Variants in MYO18B observed in about 807,000 individuals in gnomAD.
The protein encoded by MYO18B is myosin XVIIIB, also known as unconventional myosin-XVIIIb.
In MYO18B, 204 loss-of-function variants were observed where a neutral mutation model predicts 273.0. That is an observed-to-expected ratio of 0.75 (90% CI 0.67 to 0.84). The LOEUF is 0.84. MYO18B is among the 40% of genes least tolerant of loss of function. The pLI is 0.00. For missense variants in MYO18B, 3,212 were observed against 3,287.6 expected (o/e 0.98, Z 0.56); for synonymous variants, 1,330 against 1,305.7 (o/e 1.02, Z -0.40).
At chr22:25,919,969 G>GT (rs574533499) in intron 33 of MYO18B, among the ~76,000 whole-genome samples, 24 of 151,918 alleles carry the variant, frequency 1.6e-4, no homozygotes, top group African/African-American at 5.3e-4. Flanking sequence ...AGGATAGGGT[G>GT]TTTTTTTTAA....
chr22:26,055,745 A>AT, the MYO18B span, among the ~76,000 whole-genome samples: 2 of 152,144 alleles, frequency 1.3e-5, no homozygotes, highest in Non-Finnish European at 2.9e-5. Flanking sequence ...AGAGCAAGTG[A>AT]TTTTTTTAAA....
intron 39 of MYO18B, among the ~76,000 whole-genome samples, chr22:25,963,620 G>T (rs1192722146): frequency 6.7e-6 from 1 of 150,186 alleles, no homozygotes; most frequent in Non-Finnish European, 1.5e-5. Flanking sequence ...GAGTTTTTAG[G>T]TGGATATGGA....
the MYO18B span, among the ~76,000 whole-genome samples, chr22:26,041,368 A>AAC: frequency 2.0e-5 from 3 of 150,298 alleles, no homozygotes; most frequent in African/African-American, 7.4e-5. Flanking sequence ...AAAAAAAAAA[A>AAC]AAAACAAAAC....
intron 39 of MYO18B, 93 bp from the exon 40 acceptor site, chr22:25,992,270 G>A (rs1798090803): frequency 6.6e-7 from 1 of 1,518,202 alleles, no homozygotes; most frequent in Non-Finnish European, 9.0e-7. Context: ...GTGAACACTA[G>A]GCTCAGCCTG....
At chr22:25,885,167 C>T (rs760822355) in intron 25 of MYO18B, among the ~76,000 whole-genome samples, 4 of 152,168 alleles carry the variant, frequency 2.6e-5, no homozygotes, top group Non-Finnish European at 5.9e-5. Flanking sequence ...GTCCTCTCAG[C>T]ATTGTGAGCA....
At chr22:25,770,219 C>G in intron 5 of MYO18B, 43 bp downstream of exon 5, 1 of 1,584,428 alleles carries the variant, frequency 6.3e-7, no homozygotes, top group East Asian at 2.2e-5. Context: ...TGAGTCTTCT[C>G]CTGTGCCCCC....
the MYO18B span, among the ~76,000 whole-genome samples, chr22:26,048,820 G>C: frequency 6.6e-6 from 1 of 152,178 alleles, no homozygotes; most frequent in Non-Finnish European, 1.5e-5. Context: ...TGATGAGATT[G>C]CTGGGTTGAA....
chr22:25,882,060 T>G (rs1228880354), intron 25 of MYO18B, among the ~76,000 whole-genome samples: 1 of 152,142 alleles, frequency 6.6e-6, no homozygotes, highest in Non-Finnish European at 1.5e-5. Context: ...TAAGAAGCCC[T>G]CTTCAACACT....
chr22:26,049,960 C>T, the MYO18B span, among the ~76,000 whole-genome samples: 1 of 152,212 alleles, frequency 6.6e-6, no homozygotes, highest in Non-Finnish European at 1.5e-5. Flanking sequence ...TACATTGGAG[C>T]TTCTAAAAAT....
intron 6 of MYO18B, among the ~76,000 whole-genome samples, chr22:25,771,253 CTGGGAGTTCTTCTGATG>C (rs1353997261): frequency 6.6e-6 from 1 of 152,088 alleles, no homozygotes; most frequent in Non-Finnish European, 1.5e-5. Context: ...GGTCTTGGCC[CTGGGAGTTCTTCTGATG>C]GACCCAAGAA....
At chr22:25,839,073 T>C (rs2089999076) in intron 17 of MYO18B, among the ~76,000 whole-genome samples, 1 of 151,996 alleles carries the variant, frequency 6.6e-6, no homozygotes, top group South Asian at 2.1e-4. Flanking sequence ...TATATGTATG[T>C]ATATATGTAT....
chr22:25,843,940 C>G, intron 18 of MYO18B, 46 bp downstream of exon 18: 1 of 1,546,244 alleles, frequency 6.5e-7, no homozygotes, highest in Non-Finnish European at 8.8e-7. Context: ...ATTGGAGGCA[C>G]TGTGTTTTCC....
intron 21 of MYO18B, among the ~76,000 whole-genome samples, chr22:25,856,743 A>G (rs1055134860): frequency 1.3e-5 from 2 of 152,190 alleles, no homozygotes; most frequent in Non-Finnish European, 2.9e-5. Context: ...AAAGATGCCA[A>G]GTGCCAAGTA....
chr22:25,907,763 G>A (rs558229460), intron 31 of MYO18B, among the ~76,000 whole-genome samples: 5 of 152,158 alleles, frequency 3.3e-5, no homozygotes, highest in African/African-American at 9.7e-5. Flanking sequence ...GGCCGGGCCC[G>A]GTGGCTCACA....
rs1447571986 is a variant in MYO18B, at chr22:25,798,036, G to A, written c.2460G>A (p.Gln820=). The change falls in exon 12 of 44, where the codon CAG becomes CAA. Residue 820 remains glutamine, a synonymous_variant. Transcript: ENST00000335473. ...TGCTCGGCATCTCAGAGAGCGAGCAGCGGGCTGTTTGGCGGGTCCTGGCAG... is the reference window on the plus strand; with the variant it reads ...TGCTCGGCATCTCAGAGAGCGAGCAACGGGCTGTTTGGCGGGTCCTGGCAG... ...MEMLGISESE[Q]RAVWRVLAAI... 2.5e-6 allele frequency: 4 copies of A among 1,613,008 alleles called. No individual in the cohort carries two copies. The Admixed American group carries it at 6.7e-5, about 27-fold the overall frequency.
chr22:26,004,655 A>G (rs2146918650), intron 41 of MYO18B, 63 bp from the exon 42 acceptor site: 3 of 1,588,648 alleles, frequency 1.9e-6, no homozygotes, highest in South Asian at 2.3e-5. Context: ...ATGGGTGAAT[A>G]TCTAATTATT....
intron 20 of MYO18B, among the ~76,000 whole-genome samples, chr22:25,847,936 AACAC>A (rs1331432450): frequency 8.1e-6 from 1 of 123,358 alleles, no homozygotes. Flanking sequence ...TTCTTCTGAA[AACAC>A]ACACACATAC....
At chr22:26,056,694 C>T in the MYO18B span, among the ~76,000 whole-genome samples, 1 of 152,152 alleles carries the variant, frequency 6.6e-6, no homozygotes, top group Non-Finnish European at 1.5e-5. Flanking sequence ...CTGTCTTGCC[C>T]GACCCCTGCA....
At chr22:25,947,513 C>G (rs931673203) in intron 35 of MYO18B, among the ~76,000 whole-genome samples, 199 bp from the exon 36 acceptor site, 3 of 150,446 alleles carry the variant, frequency 2.0e-5, no homozygotes, top group Non-Finnish European at 3.0e-5. Context: ...CACACACACA[C>G]ACACACACAC....
Sources: gnomAD v4.1 joint callset for allele counts (sites outside exome capture counted in the v4.1 genomes callset) on GRCh38, gnomAD v4.1.1 for gene constraint, MANE v1.5 for transcripts, NCBI Gene and HGNC (gene_info 2026-07-23, HGNC 2026-07-21) for gene names.